The following RUNX1 variants were observed in gnomAD, a reference collection of about 807,000 sequenced individuals.
The protein encoded by RUNX1 is runt-related transcription factor 1.
A neutral mutation model predicts 42.8 loss-of-function variants in RUNX1; 19 were observed. That is an observed-to-expected ratio of 0.44 (90% CI 0.31 to 0.65). The LOEUF (loss-of-function observed/expected upper bound fraction) is 0.65, where lower values mean the gene tolerates loss of function less well. Among genes scored for constraint, RUNX1 ranks in the 30% least tolerant of loss-of-function variants. RUNX1 has a pLI of 0.07. For missense variants in RUNX1, 528 were observed against 672.0 expected, an observed-to-expected ratio of 0.79 and a Z score of 2.37; for synonymous variants, 271 against 289.4, an observed-to-expected ratio of 0.94 and a Z score of 0.64.
intron 2 of RUNX1, among the ~76,000 whole-genome samples, chr21:35,035,780 T>C (rs920269778): frequency 2.6e-5 from 4 of 152,182 alleles, no homozygotes; most frequent in Non-Finnish European, 4.4e-5. Flanking sequence ...TCAGAACCCA[T>C]GTGGGGCACA....
intron 2 of RUNX1, among the ~76,000 whole-genome samples, chr21:35,008,997 G>A (rs1182122526): frequency 6.6e-6 from 1 of 152,228 alleles, no homozygotes; most frequent in East Asian, 1.9e-4. Flanking sequence ...CTTGGCTTTA[G>A]GAGAGCAGGT....
chr21:34,940,484 T>G (rs1455551300), intron 2 of RUNX1, among the ~76,000 whole-genome samples: 1 of 152,378 alleles, frequency 6.6e-6, no homozygotes, highest in Non-Finnish European at 1.5e-5. Flanking sequence ...AGTTCTCTGA[T>G]AGCGCAATGC....
Position 34,892,938 on chromosome 21 carries a change from A to G in RUNX1, c.84T>C (p.Ser28=), listed in dbSNP as rs2146454266. Residue 28 remains serine, a synonymous_variant, in exon 3 of 9, where the codon TCT becomes TCC. Coordinates refer to ENST00000675419, the MANE Select transcript of RUNX1 (RefSeq NM_001754.5). The part of the protein sequence containing the change: ...MRECILGMNP[S]RDVHDASTSR... ...AATTTAACATACCGTGGACGTCTCT[A>G]GAAGGATTCATTCCAAGTATGCATT... 6.4e-7 allele frequency: 1 copy of G among 1,569,410 alleles called. No individual in the cohort carries two copies. The highest frequency in any genetic ancestry group is 8.8e-7 in the Non-Finnish European group (1 of 1,139,868).
rs373506803 is a variant in RUNX1, at chr21:34,946,491, G to A, written c.59-53528C>T. 2.0e-4 allele frequency among the ~76,000 whole-genome samples: 31 copies of A among 152,220 alleles called. 1 individual carries two copies. The highest frequency in any genetic ancestry group is 6.7e-4 in the African/African-American group (28 of 41,542). On this transcript the variant is annotated intron_variant, in intron 2 of 8. Coordinates refer to ENST00000675419, the MANE Select transcript of RUNX1 (RefSeq NM_001754.5). The stretch of plus-strand genomic sequence containing the variant: ...CCAGTTCTGTTGACATAGTCTCCAG[G>A]AAGACTTCCTCTTTTGGTGATGTTT...
intron 6 of RUNX1, chr21:34,856,543 A>C (rs2057497237): frequency 2.2e-6 from 1 of 462,002 alleles, no homozygotes; most frequent in African/African-American, 2.0e-5. Context: ...ACAGCACAGA[A>C]GTAGACATCA....
chr21:34,894,428 ACTTT>A (rs1400878697), intron 2 of RUNX1, among the ~76,000 whole-genome samples: 5 of 152,048 alleles, frequency 3.3e-5, no homozygotes, highest in Non-Finnish European at 7.4e-5. Flanking sequence ...ACTATTAAAA[ACTTT>A]CTTAGTTTGT....
At chr21:34,839,620 A>T (rs533175471) in intron 6 of RUNX1, among the ~76,000 whole-genome samples, 1 of 152,192 alleles carries the variant, frequency 6.6e-6, no homozygotes, top group Non-Finnish European at 1.5e-5. Flanking sequence ...TGTGACCTGC[A>T]GGCTGTGAGG....
At chr21:34,931,537 A>C (rs996727230) in intron 2 of RUNX1, among the ~76,000 whole-genome samples, 3 of 147,614 alleles carry the variant, frequency 2.0e-5, no homozygotes, top group South Asian at 2.1e-4. Context: ...ATACACGTAT[A>C]TGTATTATAT....
intron 2 of RUNX1, among the ~76,000 whole-genome samples, chr21:34,922,043 C>T (rs1459473961): frequency 6.6e-6 from 1 of 152,172 alleles, no homozygotes; most frequent in Non-Finnish European, 1.5e-5. Flanking sequence ...ATACTTCCAA[C>T]CCTCCTGATA....
intron 2 of RUNX1, among the ~76,000 whole-genome samples, chr21:34,900,064 A>G (rs1333524346): frequency 6.6e-6 from 1 of 152,264 alleles, no homozygotes; most frequent in African/African-American, 2.4e-5. Context: ...AGTCATATAC[A>G]TAATTTAAGA....
rs1181566049 is a variant in RUNX1 at position 35,001,371 on chromosome 21, T to A, written c.58+47471A>T. Reference sequence around the variant, plus strand: ...CATACAGTTTGACATTTTAAGAATTTTTAACTATAGTTCTATGGCACTAAT... The same window carrying A: ...CATACAGTTTGACATTTTAAGAATTATTAACTATAGTTCTATGGCACTAAT... On this transcript the variant is annotated intron_variant, in intron 2 of 8. Coordinates refer to ENST00000675419, the MANE Select transcript of RUNX1 (RefSeq NM_001754.5). Among the ~76,000 whole-genome samples the A allele has an allele frequency of 3.3e-5, 5 of 151,054 alleles. No individual in the cohort carries two copies. In the East Asian group the frequency reaches 9.7e-4, roughly 29 times the overall value.
chr21:34,834,365 C>T (rs866913398), intron 7 of RUNX1, 45 bp downstream of exon 7: 1 of 1,596,282 alleles, frequency 6.3e-7, no homozygotes, highest in East Asian at 2.2e-5. Flanking sequence ...TGGGTGGTGG[C>T]CCAGGTGCAG....
At chr21:35,023,827 T>TG in intron 2 of RUNX1, among the ~76,000 whole-genome samples, 1 of 152,286 alleles carries the variant, frequency 6.6e-6, no homozygotes, top group South Asian at 2.1e-4. Context: ...GGAGAGCATC[T>TG]GTGGGTACCA....
In RUNX1 at chr21:34,907,900, C is replaced by A. The variant is rs868220691; in HGVS notation, c.59-14937G>T. Among the ~76,000 whole-genome samples the A allele has an allele frequency of 2.2e-4, 33 of 152,098 alleles. No individual in the cohort carries two copies. Among genetic ancestry groups the A allele is most frequent in the African/African-American group, 7.7e-4 (32 of 41,406 alleles). Reference sequence around the variant, plus strand: ...AAAAGATTCTTAGCAAACATTTTGTCCAATCCATTTAGTTTATAGAGGGAA... The same window carrying A: ...AAAAGATTCTTAGCAAACATTTTGTACAATCCATTTAGTTTATAGAGGGAA... On this transcript the variant is annotated intron_variant, in intron 2 of 8. Coordinates refer to ENST00000675419, the MANE Select transcript of RUNX1 (RefSeq NM_001754.5). The surrounding 1 kb of genome is among the most constrained non-coding windows in gnomAD (Gnocchi z 5.3).
chr21:34,970,159 A>C (rs765027198), intron 2 of RUNX1, among the ~76,000 whole-genome samples: 2 of 152,210 alleles, frequency 1.3e-5, no homozygotes, highest in Admixed American at 1.3e-4. Flanking sequence ...TGTGCAGCTA[A>C]ATGAAATAGA....
chr21:35,038,501 T>C, intron 2 of RUNX1: 1 of 455,954 alleles, frequency 2.2e-6, no homozygotes, highest in South Asian at 1.6e-5. Context: ...TAGAGAAAGC[T>C]TCCTTGAATT....
chr21:35,046,100 T>G (rs1276062243), intron 2 of RUNX1, among the ~76,000 whole-genome samples: 1 of 152,212 alleles, frequency 6.6e-6, no homozygotes, highest in African/African-American at 2.4e-5. Flanking sequence ...TCGGCAAGAA[T>G]TGTACGTTGC....
At position 34,843,549 on chromosome 21, in the gene RUNX1, C is replaced by T. The variant is rs561511656; in HGVS notation, c.614-8948G>A. Among the ~76,000 whole-genome samples the T allele has an allele frequency of 2.0e-5, 3 of 152,224 alleles. No homozygotes were observed. Among genetic ancestry groups the T allele is most frequent in the African/African-American group, 7.2e-5 (3 of 41,520 alleles). ...ACACACACACCGTTCTGTGATCGCC[C>T]TCAGGACATGGGCCAAGACAAGTGT... On this transcript the variant is annotated intron_variant, in intron 6 of 8. Coordinates refer to ENST00000675419, the MANE Select transcript of RUNX1 (RefSeq NM_001754.5). The surrounding 1 kb of genome is among the most constrained non-coding windows in gnomAD (Gnocchi z 4.8).
intron 2 of RUNX1, among the ~76,000 whole-genome samples, chr21:35,024,953 A>G (rs2059225202): frequency 6.6e-6 from 1 of 152,250 alleles, no homozygotes; most frequent in Non-Finnish European, 1.5e-5. Context: ...GAAGCTTGAC[A>G]ATACCTGTCT....
Sources: gnomAD v4.1 joint callset for allele counts (sites outside exome capture counted in the v4.1 genomes callset) on GRCh38, gnomAD v4.1.1 for gene constraint, Gnocchi (gnomAD v3.1) non-coding constraint, MANE v1.5 for transcripts, NCBI Gene and HGNC (gene_info 2026-07-23, HGNC 2026-07-21) for gene names.